The following CSMD2 variants were observed in gnomAD, a reference collection of about 807,000 sequenced individuals.
CSMD2 encodes the protein CUB and Sushi multiple domains 2.
A neutral mutation model predicts 398.5 loss-of-function variants in CSMD2; 130 were observed. The ratio of observed to expected loss-of-function variants is 0.33; its 90% CI spans 0.28 to 0.38. The LOEUF (loss-of-function observed/expected upper bound fraction) is 0.38. Ranked by LOEUF, CSMD2 falls within the 10% of genes least tolerant of loss-of-function variation. The pLI, the probability that CSMD2 is intolerant of heterozygous loss-of-function variation, is 1.00. For synonymous variants in CSMD2, 1,828 were observed against 1,908.5 expected (o/e 0.96, Z 1.10); for missense variants, 3,829 against 4,764.9 (o/e 0.80, Z 5.78).
At chr1:34,049,316 C>T (rs1404382588) in intron 2 of CSMD2, among the ~76,000 whole-genome samples, 1 of 152,122 alleles carries the variant, frequency 6.6e-6, no homozygotes, top group Non-Finnish European at 1.5e-5. Context: ...CTTTCTCAGG[C>T]CTTACTTCCC....
intron 1 of CSMD2, among the ~76,000 whole-genome samples, chr1:34,148,936 C>G (rs1325418770): frequency 1.3e-5 from 2 of 152,178 alleles, no homozygotes; most frequent in Non-Finnish European, 2.9e-5. Flanking sequence ...CCTGGCAAGG[C>G]CTTGAACCAC....
intron 2 of CSMD2, among the ~76,000 whole-genome samples, chr1:34,068,248 T>A: frequency 6.6e-6 from 1 of 152,190 alleles, no homozygotes; most frequent in East Asian, 1.9e-4. Context: ...TCCTTCCTCA[T>A]CCTGGTCATT....
chr1:33,641,750 C>T (rs753152581), intron 29 of CSMD2, among the ~76,000 whole-genome samples: 8 of 152,200 alleles, frequency 5.3e-5, no homozygotes, highest in Non-Finnish European at 1.0e-4. Flanking sequence ...ACCAGGTGGG[C>T]TTCCAACATC....
intron 3 of CSMD2, among the ~76,000 whole-genome samples, chr1:33,953,803 C>T (rs192203270): frequency 6.6e-6 from 1 of 152,114 alleles, no homozygotes; most frequent in Non-Finnish European, 1.5e-5. Context: ...CTGAGAGATA[C>T]GGATTGATTT....
In CSMD2 at chr1:33,922,996, G is replaced by A. The variant is rs567589907; in HGVS notation, c.713-4695C>T. Among the ~76,000 whole-genome samples the A allele has an allele frequency of 8.1e-4, 124 of 152,232 alleles. 2 individuals are homozygous for A. Among genetic ancestry groups the A allele is most frequent in the Admixed American group, 2.4e-3 (36 of 15,296 alleles). Reference sequence around the variant, plus strand: ...TGATGTTTTGATATATGTATGTATTGTGGAATGACTAAATCAAGCTAATTA... The same window carrying A: ...TGATGTTTTGATATATGTATGTATTATGGAATGACTAAATCAAGCTAATTA... On this transcript the variant is annotated intron_variant, in intron 4 of 70. Transcript: ENST00000373381.
chr1:33,520,691 C>T (rs919941671), intron 68 of CSMD2, among the ~76,000 whole-genome samples: 4 of 152,142 alleles, frequency 2.6e-5, no homozygotes, highest in Non-Finnish European at 5.9e-5. Context: ...GGGAGCAGAC[C>T]GTGGCTCAGT....
chr1:34,030,911 C>A (rs2148148012), intron 3 of CSMD2, among the ~76,000 whole-genome samples: 1 of 152,244 alleles, frequency 6.6e-6, no homozygotes, highest in East Asian at 1.9e-4. Flanking sequence ...GTCAATGTCC[C>A]CAAGGCCAAC....
intron 13 of CSMD2, among the ~76,000 whole-genome samples, chr1:33,750,536 A>T (rs760704762): frequency 1.3e-5 from 2 of 152,322 alleles, no homozygotes; most frequent in East Asian, 1.9e-4. Context: ...TGACCACGAC[A>T]CCTACTTCCT....
At chr1:33,579,697 A>G (rs1638557198) in intron 48 of CSMD2, among the ~76,000 whole-genome samples, 1 of 145,178 alleles carries the variant, frequency 6.9e-6, no homozygotes, top group Non-Finnish European at 1.5e-5. Flanking sequence ...TTTTTTTTTG[A>G]GACAGAGTTT....
At position 34,165,145 on chromosome 1, in the gene CSMD2, G is replaced by A; in HGVS notation, c.-48C>T. 1 of 1,208,006 alleles carries A rather than the reference G, an allele frequency of 8.3e-7. No individual in the cohort carries two copies. Among genetic ancestry groups the A allele is most frequent in the Non-Finnish European group, 1.0e-6 (1 of 972,422 alleles). 74.8% of individuals were successfully genotyped at this position (1,208,006 alleles called of 1,614,324 possible). ...GAGAGGCTCCGCTCGCCGCCGAGGA[G>A]AAAGGAGGTCAGGAGAGCTCTGGAG... On this transcript the variant is annotated 5_prime_UTR_variant, in exon 1 of 71. Transcript: ENST00000373381.
chr1:33,732,124 G>GCACA (rs144338591), intron 15 of CSMD2, among the ~76,000 whole-genome samples: 1 of 150,588 alleles, frequency 6.6e-6, no homozygotes, highest in Non-Finnish European at 1.5e-5. Context: ...GCGTGCACAT[G>GCACA]CACACACACA....
At chr1:34,112,075 T>C (rs1661151914) in intron 1 of CSMD2, among the ~76,000 whole-genome samples, 1 of 152,062 alleles carries the variant, frequency 6.6e-6, no homozygotes, top group African/African-American at 2.4e-5. Context: ...TATATCTGAG[T>C]GGGTGGACAG....
At chr1:33,868,397 G>A (rs1324572832) in intron 5 of CSMD2, among the ~76,000 whole-genome samples, 1 of 152,136 alleles carries the variant, frequency 6.6e-6, no homozygotes, top group Non-Finnish European at 1.5e-5. Context: ...AATACAACAA[G>A]GTTCCTCATC....
intron 3 of CSMD2, among the ~76,000 whole-genome samples, chr1:34,029,706 C>CTTTACCATGCAGTACAAA (rs1025716656): frequency 6.6e-6 from 1 of 152,226 alleles, no homozygotes; most frequent in African/African-American, 2.4e-5. Flanking sequence ...CAGCCAGCCA[C>CTTTACCATGCAGTACAAA]ACATCCTGCG....
intron 5 of CSMD2, among the ~76,000 whole-genome samples, chr1:33,912,804 CTTTTCT>C (rs1269389052): frequency 2.6e-5 from 4 of 152,020 alleles, no homozygotes; most frequent in Admixed American, 6.6e-5. Flanking sequence ...TCCTCTTCTG[CTTTTCT>C]TTTTCTTTTT....
At chr1:34,087,260 G>T (rs1014475293) in intron 2 of CSMD2, among the ~76,000 whole-genome samples, 5 of 151,844 alleles carry the variant, frequency 3.3e-5, no homozygotes, top group Non-Finnish European at 7.4e-5. Context: ...GACCATCCCT[G>T]ACCACCCTAT....
intron 6 of CSMD2, among the ~76,000 whole-genome samples, chr1:33,838,228 T>C (rs1346624723): frequency 6.6e-6 from 1 of 152,222 alleles, no homozygotes; most frequent in Non-Finnish European, 1.5e-5. Flanking sequence ...TTCCTGCCAC[T>C]ACTCCTTCTC....
intron 3 of CSMD2, among the ~76,000 whole-genome samples, chr1:33,956,061 C>T (rs982689333): frequency 2.0e-5 from 3 of 152,118 alleles, no homozygotes; most frequent in Admixed American, 1.3e-4. Flanking sequence ...CTGGCTTGGC[C>T]TTTTACCAAC....
At chr1:34,116,706 G>A (rs758183994) in intron 1 of CSMD2, among the ~76,000 whole-genome samples, 6 of 152,114 alleles carry the variant, frequency 3.9e-5, no homozygotes, top group South Asian at 4.1e-4. Context: ...TCTCAAGTGC[G>A]TATGAAACAT....
Sources: allele counts gnomAD v4.1 joint callset (sites outside exome capture counted in the v4.1 genomes callset), GRCh38; gene constraint gnomAD v4.1.1; transcripts MANE v1.5; gene names NCBI Gene and HGNC (gene_info 2026-07-23, HGNC 2026-07-21).